LIN54: variants seen among roughly 807,000 people sequenced by gnomAD.
LIN54 encodes protein lin-54 homolog.
In LIN54, 9 loss-of-function variants were observed where a neutral mutation model predicts 78.7. The observed-to-expected ratio is 0.11, with a 90% CI of 0.07 to 0.20. The LOEUF is 0.20. Among genes scored for constraint, LIN54 ranks in the 10% least tolerant of loss-of-function variants. The pLI is 1.00. For missense variants in LIN54, 573 were observed against 889.9 expected, an observed-to-expected ratio of 0.64 and a Z score of 4.53; for synonymous variants, 269 against 318.4, an observed-to-expected ratio of 0.84 and a Z score of 1.65.
intron 1 of LIN54, among the ~76,000 whole-genome samples, chr4:82,994,706 A>AC (rs1553958161): frequency 6.6e-6 from 1 of 151,538 alleles, no homozygotes; most frequent in African/African-American, 2.4e-5. Context: ...AGCCAAGAAC[A>AC]TTTTTTTTAA....
In LIN54 at chr4:82,984,307, G is replaced by A. The variant is rs752293547; in HGVS notation, c.538C>T (p.Pro180Ser). Reference sequence around the variant, plus strand: ...ATGGTAACTACTTTAATTTGCTGCGGTGGTAACTTAGCATCTCCTGACTGG... The same window carrying A: ...ATGGTAACTACTTTAATTTGCTGCGATGGTAACTTAGCATCTCCTGACTGG... The part of the protein sequence containing the change: ...QAQSGDAKLP[P>S]QQIKVVTIGG... Residue 180 changes from proline to serine, a missense_variant, in exon 2 of 13, where the codon CCG becomes TCG. Physicochemically the swap from Pro to Ser is moderately conservative, Grantham distance 74. Around this residue, in one of 6 missense-constraint regions of LIN54, gnomAD observed 183 missense variants for 228.4 expected, o/e 0.80. Coordinates refer to ENST00000340417, the MANE Select transcript of LIN54 (RefSeq NM_194282.4). 1.9e-6 allele frequency: 3 copies of A among 1,614,118 alleles called. No homozygotes were observed. Among genetic ancestry groups the A allele is most frequent in the Non-Finnish European group, 1.7e-6 (2 of 1,180,024 alleles).
At chr4:82,973,397 G>A (rs559682576) in intron 3 of LIN54, among the ~76,000 whole-genome samples, 1 of 152,128 alleles carries the variant, frequency 6.6e-6, no homozygotes, top group African/African-American at 2.4e-5. Flanking sequence ...TTTTCATCCT[G>A]GTAGCATTTC....
chr4:82,938,626 T>C, intron 7 of LIN54, 122 bp from the exon 8 acceptor site: 2 of 624,332 alleles, frequency 3.2e-6, no homozygotes, highest in Admixed American at 5.6e-5. Flanking sequence ...ATGGAGAATA[T>C]CACACAAACA....
At chr4:82,976,427 T>C (rs1338905787) in intron 3 of LIN54, among the ~76,000 whole-genome samples, 1 of 150,488 alleles carries the variant, frequency 6.6e-6, no homozygotes, top group Non-Finnish European at 1.5e-5. Flanking sequence ...GAGCATTAGC[T>C]AGCAGGGCGC....
chr4:82,966,905 A>G (rs1307467248), intron 4 of LIN54, among the ~76,000 whole-genome samples: 1 of 150,902 alleles, frequency 6.6e-6, no homozygotes, highest in Non-Finnish European at 1.5e-5. Context: ...CACCACACCC[A>G]GCCCCGACAT....
At chr4:82,928,662 A>G (rs1485804473) in intron 12 of LIN54, among the ~76,000 whole-genome samples, 1 of 152,232 alleles carries the variant, frequency 6.6e-6, no homozygotes, top group Non-Finnish European at 1.5e-5. Flanking sequence ...ATTCTTATTT[A>G]CTGCTGTTGC....
chr4:82,996,805 T>A (rs1728268298), intron 1 of LIN54, among the ~76,000 whole-genome samples: 1 of 152,016 alleles, frequency 6.6e-6, no homozygotes, highest in South Asian at 2.1e-4. Flanking sequence ...AATGGTTAAA[T>A]GGTTTAAGTC....
At chr4:83,002,172 T>C (rs532698556) in intron 1 of LIN54, among the ~76,000 whole-genome samples, 1 of 151,178 alleles carries the variant, frequency 6.6e-6, no homozygotes, top group Non-Finnish European at 1.5e-5. Context: ...TTTTATGACA[T>C]GGACCCTTCT....
rs540157006 is a variant in LIN54, at chr4:82,925,019, AGTT to A, written c.*3080_*3082del. On this transcript the variant is annotated 3_prime_UTR_variant, in exon 13 of 13. Transcript: ENST00000340417. ...TTTTACATAAGATTGAAAAAATGTC[AGTT>A]GTTCACTACCAGAAAATGGGGAACT... The A allele has an allele frequency of 1.6e-3, 240 of 152,766 alleles. No homozygotes were observed. Among genetic ancestry groups the A allele is most frequent in the African/African-American group, 5.5e-3 (230 of 41,588 alleles). 9.5% of individuals were successfully genotyped at this position (152,766 alleles called of 1,614,324 possible).
intron 3 of LIN54, among the ~76,000 whole-genome samples, chr4:82,973,653 GCAACC>G (rs558947034): frequency 2.9e-4 from 44 of 152,276 alleles, no homozygotes; most frequent in African/African-American, 1.0e-3. Context: ...CTCCCATGAA[GCAACC>G]TTCTACCTTG....
At chr4:82,992,479 AG>A (rs1430519592) in intron 1 of LIN54, among the ~76,000 whole-genome samples, 4 of 152,130 alleles carry the variant, frequency 2.6e-5, no homozygotes, top group Non-Finnish European at 4.4e-5. Context: ...GTTTGAGACC[AG>A]TCGGGACAAC....
chr4:82,928,711 A>C (rs1721690996), intron 12 of LIN54, among the ~76,000 whole-genome samples: 1 of 152,234 alleles, frequency 6.6e-6, no homozygotes, highest in African/African-American at 2.4e-5. Flanking sequence ...GAGACGCTAC[A>C]TGAATAGTTG....
intron 1 of LIN54, among the ~76,000 whole-genome samples, chr4:82,996,910 G>A (rs963821834): frequency 1.3e-5 from 2 of 151,708 alleles, no homozygotes; most frequent in African/African-American, 4.8e-5. Context: ...AAATAGGACC[G>A]CCATCCTCAT....
intron 5 of LIN54, among the ~76,000 whole-genome samples, chr4:82,944,296 A>G (rs1723176753): frequency 6.6e-6 from 1 of 152,192 alleles, no homozygotes; most frequent in Non-Finnish European, 1.5e-5. Context: ...CATTATATGG[A>G]TTCTCAGCAT....
At chr4:82,935,940 C>T in intron 11 of LIN54, 41 bp downstream of exon 11, 1 of 1,596,952 alleles carries the variant, frequency 6.3e-7, no homozygotes, top group Non-Finnish European at 8.6e-7. Context: ...CTTTCTAAAA[C>T]TGTTTTTAAA....
At chr4:82,948,451 AT>A (rs2126047330) in intron 4 of LIN54, among the ~76,000 whole-genome samples, 1 of 152,346 alleles carries the variant, frequency 6.6e-6, no homozygotes, top group East Asian at 1.9e-4. Flanking sequence ...GGTATATCAC[AT>A]GATGTATGGG....
chr4:82,967,741 A>C (rs1452049522), intron 4 of LIN54, among the ~76,000 whole-genome samples: 1 of 152,232 alleles, frequency 6.6e-6, no homozygotes, highest in Non-Finnish European at 1.5e-5. Context: ...ATCTCCATTA[A>C]GTCCACATTT....
intron 2 of LIN54, among the ~76,000 whole-genome samples, chr4:82,983,188 T>C (rs1041535178): frequency 6.6e-6 from 1 of 151,992 alleles, no homozygotes; most frequent in Admixed American, 6.6e-5. Flanking sequence ...TTTGTATTTT[T>C]AGTAGAGATG....
At chr4:82,960,897 C>G (rs995138077) in intron 4 of LIN54, among the ~76,000 whole-genome samples, 1 of 151,868 alleles carries the variant, frequency 6.6e-6, no homozygotes, top group Non-Finnish European at 1.5e-5. Context: ...CCCATCTCTA[C>G]AAAAAATACA....
Sources: gnomAD v4.1 joint callset for allele counts (sites outside exome capture counted in the v4.1 genomes callset) on GRCh38, gnomAD v4.1.1 for gene constraint, gnomAD v4.1.1 regional missense constraint, MANE v1.5 for transcripts, NCBI Gene and HGNC (gene_info 2026-07-23, HGNC 2026-07-21) for gene names.